Variants in ATAD2B observed in about 807,000 individuals in gnomAD.
The protein encoded by ATAD2B is ATPase family AAA domain containing 2B.
A neutral mutation model predicts 167.6 loss-of-function variants in ATAD2B; 40 were observed. The observed-to-expected ratio is 0.24, with a 90% confidence interval of 0.19 to 0.31. The LOEUF is 0.31. ATAD2B is among the 10% of genes least tolerant of loss of function. ATAD2B has a pLI of 1.00. For missense variants in ATAD2B, 1,242 were observed against 1,757.2 expected, an observed-to-expected ratio of 0.71 and a Z score of 5.24; for synonymous variants, 579 against 596.5, an observed-to-expected ratio of 0.97 and a Z score of 0.43.
intron 10 of ATAD2B, among the ~76,000 whole-genome samples, chr2:23,867,026 G>A (rs1005262312): frequency 7.9e-5 from 12 of 152,034 alleles, no homozygotes; most frequent in South Asian, 4.1e-4. Flanking sequence ...TGACCTCACC[G>A]CTCTTTATAT....
chr2:23,741,381 C>T, the ATAD2B span, among the ~76,000 whole-genome samples: 1 of 152,152 alleles, frequency 6.6e-6, no homozygotes, highest in East Asian at 1.9e-4. Flanking sequence ...CAGAACACAG[C>T]CCTCAGAAAT....
intron 13 of ATAD2B, among the ~76,000 whole-genome samples, chr2:23,834,789 A>G (rs1689663352): frequency 6.6e-6 from 1 of 152,180 alleles, no homozygotes. Context: ...GCGGTGGTGC[A>G]TGCCTATAAT....
the ATAD2B span, chr2:23,696,543 T>C: frequency 6.8e-7 from 1 of 1,461,876 alleles, no homozygotes; most frequent in Admixed American, 2.5e-5. This position sits in a 1 kb window ranked among gnomAD's most constrained non-coding sequence, Gnocchi z 5.5. Flanking sequence ...GACAGGGGCA[T>C]GCTCTTTGCT....
At chr2:23,841,192 AG>A (rs1237340060) in intron 13 of ATAD2B, among the ~76,000 whole-genome samples, 2 of 132,886 alleles carry the variant, frequency 1.5e-5, no homozygotes, top group Admixed American at 1.9e-4. Context: ...TCCTACCCTT[AG>A]CCTCCCAGAG....
the ATAD2B span, among the ~76,000 whole-genome samples, chr2:23,740,382 C>A: frequency 3.9e-5 from 6 of 152,052 alleles, no homozygotes; most frequent in Admixed American, 2.0e-4. Context: ...CCCTGGGATG[C>A]AAGGCTGGTT....
intron 13 of ATAD2B, among the ~76,000 whole-genome samples, chr2:23,840,621 G>A (rs372132050): frequency 6.6e-6 from 1 of 152,032 alleles, no homozygotes; most frequent in African/African-American, 2.4e-5. Flanking sequence ...TGTGCTTTAA[G>A]GCACATTATA....
At chr2:23,755,078 A>G (rs1324213832) in intron 25 of ATAD2B, 3 of 181,008 alleles carry the variant, frequency 1.7e-5, no homozygotes, top group Non-Finnish European at 3.5e-5. Context: ...CTGACTTAAC[A>G]AACAGCCTTC....
chr2:23,750,062 C>CA lies in ATAD2B; in HGVS notation c.*1983dup, dbSNP rs1675189083. The CA allele has an allele frequency of 6.6e-6, 1 of 151,994 alleles. No homozygotes were observed. Among genetic ancestry groups the CA allele is most frequent in the South Asian group, 2.1e-4 (1 of 4,826 alleles). The allele number at this position is 151,994 out of a possible 1,614,324, so 9.4% of individuals were successfully genotyped here. A position where few individuals can be genotyped will look rare whatever the true frequency, so the allele number is the denominator to read the frequency against. ...TTCTGTAACAATTTCCATCAAAATA[C>CA]AAAATGCTAATGTATTAGACAATAA... On this transcript the variant is annotated 3_prime_UTR_variant, in exon 28 of 28. Coordinates refer to ENST00000238789, the MANE Select transcript of ATAD2B (RefSeq NM_017552.4).
At chr2:23,698,140 G>A in the ATAD2B span, among the ~76,000 whole-genome samples, 1 of 152,166 alleles carries the variant, frequency 6.6e-6, no homozygotes, top group South Asian at 2.1e-4. Context: ...GCCTTCCCTG[G>A]GGGGCAAGGC....
the ATAD2B span, among the ~76,000 whole-genome samples, chr2:23,742,746 AT>A: frequency 6.6e-6 from 1 of 152,278 alleles, no homozygotes; most frequent in South Asian, 2.1e-4. Context: ...TAAAAAAAAA[AT>A]CAAGAGAACT....
the ATAD2B span, chr2:23,706,402 G>C: frequency 8.5e-7 from 1 of 1,172,418 alleles, no homozygotes; most frequent in Non-Finnish European, 1.1e-6. Flanking sequence ...GCCTACAACA[G>C]GACACGACGT....
At chr2:23,760,890 C>A (rs1225159645) in intron 24 of ATAD2B, among the ~76,000 whole-genome samples, 2 of 151,920 alleles carry the variant, frequency 1.3e-5, no homozygotes, top group Non-Finnish European at 2.9e-5. Flanking sequence ...AAAGCAACTA[C>A]GCCTTAGGGA....
chr2:23,859,509 C>T (rs531799768), intron 12 of ATAD2B, among the ~76,000 whole-genome samples: 1 of 148,876 alleles, frequency 6.7e-6, no homozygotes, highest in East Asian at 1.9e-4. Flanking sequence ...GGTTTCACCA[C>T]GTTGCCCAGG....
chr2:23,802,571 G>A (rs942646403), intron 18 of ATAD2B, among the ~76,000 whole-genome samples: 2 of 151,598 alleles, frequency 1.3e-5, no homozygotes, highest in African/African-American at 4.8e-5. Flanking sequence ...CATTCCCTAA[G>A]GACTTCAAGA....
At chr2:23,860,501 T>C (rs1219739381) in intron 12 of ATAD2B, among the ~76,000 whole-genome samples, 5 of 152,200 alleles carry the variant, frequency 3.3e-5, no homozygotes, top group Non-Finnish European at 7.3e-5. Flanking sequence ...GAATATTAGA[T>C]AACAAATGAG....
intron 17 of ATAD2B, 141 bp from the exon 18 acceptor site, chr2:23,810,643 A>T (rs1293837384): frequency 1.1e-5 from 7 of 638,008 alleles, no homozygotes; most frequent in African/African-American, 1.8e-5. Flanking sequence ...ATAGTGACTT[A>T]TTTTTTTATT....
At chr2:23,701,799 T>C in the ATAD2B span, among the ~76,000 whole-genome samples, 46,342 of 122,108 alleles carry the variant, frequency 0.38, 11,389 homozygotes, top group East Asian at 0.76. Context: ...TTTGCTTTTT[T>C]TTTTTTTTTT....
At chr2:23,745,422 A>AAGGG (rs1491261605), downstream of ATAD2B, among the ~76,000 whole-genome samples, 503 of 85,054 alleles carry the variant, frequency 5.9e-3, 11 homozygotes, top group Non-Finnish European at 6.6e-3. Flanking sequence ...GGAAGGAAGG[A>AAGGG]AAGGGAAGGG....
intron 25 of ATAD2B, 30 bp from the exon 26 acceptor site, chr2:23,754,804 G>C: frequency 6.3e-7 from 1 of 1,594,352 alleles, no homozygotes; most frequent in Non-Finnish European, 8.5e-7. Context: ...ATACACTGCA[G>C]CAAGTAAAAG....
Sources: gnomAD v4.1 joint callset for allele counts (sites outside exome capture counted in the v4.1 genomes callset) on GRCh38, gnomAD v4.1.1 for gene constraint, Gnocchi (gnomAD v3.1) non-coding constraint, MANE v1.5 for transcripts, NCBI Gene and HGNC (gene_info 2026-07-23, HGNC 2026-07-21) for gene names.